SLC16A7: variants seen among roughly 807,000 people sequenced by gnomAD.
SLC16A7 encodes monocarboxylate transporter 2.
A neutral mutation model predicts 34.9 loss-of-function variants in SLC16A7; 33 were observed. The observed-to-expected ratio is 0.94, with a 90% CI of 0.72 to 1.26. The LOEUF is 1.26. SLC16A7 is among the 50% of genes most tolerant of loss of function. The pLI is 0.00. For missense variants in SLC16A7, 573 were observed against 578.1 expected, an observed-to-expected ratio of 0.99 and a Z score of 0.09; for synonymous variants, 201 against 206.6, an observed-to-expected ratio of 0.97 and a Z score of 0.23.
rs1014511697 is a variant in SLC16A7, at chr12:59,740,363, G to A, written c.218-30856G>A. Among the ~76,000 whole-genome samples the A allele has an allele frequency of 5.7e-3, 871 of 151,828 alleles. 9 individuals are homozygous for A. Among genetic ancestry groups the A allele is most frequent in the African/African-American group, 0.02 (811 of 41,318 alleles). On this transcript the variant is annotated intron_variant, in intron 3 of 5. Transcript: ENST00000547379. ...CAAGATCAGATAGTTGTAGATATGC[G>A]GCGTTATTTCTGAGGGCTCTGTTCT...
chr12:59,763,649 G>A (rs1056859770), intron 3 of SLC16A7, among the ~76,000 whole-genome samples: 3 of 151,980 alleles, frequency 2.0e-5, no homozygotes, highest in African/African-American at 7.2e-5. Flanking sequence ...TCACTTTATT[G>A]CACTTTGCAA....
chr12:59,685,649 G>A (rs1489228284), intron 2 of SLC16A7, among the ~76,000 whole-genome samples: 1 of 152,000 alleles, frequency 6.6e-6, no homozygotes, highest in East Asian at 1.9e-4. Flanking sequence ...TGCTTTAAGA[G>A]TATATGAACT....
At chr12:59,775,942 A>G (rs17122992) in intron 5 of SLC16A7, among the ~76,000 whole-genome samples, 11,589 of 152,250 alleles carry the variant, frequency 0.076, 536 homozygotes, top group South Asian at 0.17. Context: ...GAGAAAATAC[A>G]TTTATAATAT....
intron 3 of SLC16A7, among the ~76,000 whole-genome samples, chr12:59,717,852 G>T (rs1875101736): frequency 6.6e-6 from 1 of 152,170 alleles, no homozygotes; most frequent in Non-Finnish European, 1.5e-5. Flanking sequence ...AAATGAAACA[G>T]CAGTGAATGT....
chr12:59,768,247 C>A (rs974794427), intron 3 of SLC16A7: 16 of 453,508 alleles, frequency 3.5e-5, no homozygotes, highest in Non-Finnish European at 6.2e-5. Context: ...GGTCAAAATA[C>A]CAACATTAAC....
intron 3 of SLC16A7, among the ~76,000 whole-genome samples, chr12:59,715,935 T>G (rs1295561425): frequency 6.6e-6 from 1 of 152,166 alleles, no homozygotes; most frequent in Non-Finnish European, 1.5e-5. Flanking sequence ...TACATTAGCG[T>G]TTTTGTAGGT....
At chr12:59,642,615 G>T (rs145672851) in intron 1 of SLC16A7, among the ~76,000 whole-genome samples, 1 of 152,182 alleles carries the variant, frequency 6.6e-6, no homozygotes, top group Admixed American at 6.5e-5. Context: ...AGAAGATAGA[G>T]CCTCAAGGAA....
chr12:59,636,216 A>G (rs1880419107), intron 1 of SLC16A7, among the ~76,000 whole-genome samples: 1 of 152,048 alleles, frequency 6.6e-6, no homozygotes, highest in African/African-American at 2.4e-5. Flanking sequence ...TTAAATAAGA[A>G]CACTTTCTGT....
rs140248152 is a variant in SLC16A7, at chr12:59,710,134, T to C, written c.217+5116T>C. Reference sequence around the variant, plus strand: ...CATGAAATGTACAAGTGCTACTCTATCAGATCTCTGTTAGAGAAGAGGTAT... The same window carrying C: ...CATGAAATGTACAAGTGCTACTCTACCAGATCTCTGTTAGAGAAGAGGTAT... On this transcript the variant is annotated intron_variant, in intron 3 of 5. Coordinates refer to ENST00000547379, the MANE Select transcript of SLC16A7 (RefSeq NM_001270623.2). Among the ~76,000 whole-genome samples, 222 of 151,132 alleles carry C rather than the reference T, an allele frequency of 1.5e-3. 10 individuals carry two copies. Among genetic ancestry groups the C allele is most frequent in the Middle Eastern group, 6.8e-3 (2 of 294 alleles).
At chr12:59,675,052 G>A (rs1315483914) in intron 2 of SLC16A7, among the ~76,000 whole-genome samples, 3 of 152,164 alleles carry the variant, frequency 2.0e-5, no homozygotes, top group African/African-American at 7.2e-5. Context: ...GATAGAACAA[G>A]GCCGTATGCC....
chr12:59,693,494 T>C (rs1260560417), intron 2 of SLC16A7, among the ~76,000 whole-genome samples: 1 of 151,914 alleles, frequency 6.6e-6, no homozygotes, highest in Non-Finnish European at 1.5e-5. Flanking sequence ...GTATTGATTC[T>C]AAAAGAAAAG....
chr12:59,670,009 A>G (rs1024461751), intron 2 of SLC16A7, among the ~76,000 whole-genome samples: 1 of 152,192 alleles, frequency 6.6e-6, no homozygotes, highest in African/African-American at 2.4e-5. Context: ...ATTGAAAACA[A>G]CAGAAATTTA....
chr12:59,784,231 T>C lies in SLC16A7; in HGVS notation c.*4552T>C, dbSNP rs2137504803. 1 of 152,176 alleles carries C rather than the reference T, an allele frequency of 6.6e-6. No homozygotes were observed. The highest frequency in any genetic ancestry group is 6.5e-5 in the Admixed American group (1 of 15,276). The allele number at this position is 152,176 out of a possible 1,614,324, so 9.4% of individuals were successfully genotyped here. A position where few individuals can be genotyped will look rare whatever the true frequency, so the allele number is the denominator to read the frequency against. On this transcript the variant is annotated 3_prime_UTR_variant, in exon 6 of 6. Transcript: ENST00000547379. ...TCAAAAAGTAAAATAATTACCTGGA[T>C]GTGGTGATGTGCACCTGTAGTCCCA...
At chr12:59,685,775 C>T (rs1871105830) in intron 2 of SLC16A7, among the ~76,000 whole-genome samples, 1 of 151,968 alleles carries the variant, frequency 6.6e-6, no homozygotes, top group African/African-American at 2.4e-5. Flanking sequence ...TGAAAAAAAT[C>T]TTCATGTGAT....
Position 59,784,181 on chromosome 12 carries a change from C to T in SLC16A7, c.*4502C>T, listed in dbSNP as rs1237595540. Reference sequence around the variant, plus strand: ...TTATCTTTTATGAATAAATAATTCCCAGATTGGTTGCTACATATCATGATT... The same window carrying T: ...TTATCTTTTATGAATAAATAATTCCTAGATTGGTTGCTACATATCATGATT... On this transcript the variant is annotated 3_prime_UTR_variant, in exon 6 of 6. Coordinates refer to ENST00000547379, the MANE Select transcript of SLC16A7 (RefSeq NM_001270623.2). 6.6e-6 allele frequency: 1 copy of T among 151,790 alleles called. No individual in the cohort carries two copies. Among genetic ancestry groups the T allele is most frequent in the African/African-American group, 2.4e-5 (1 of 41,318 alleles). 9.4% of individuals were successfully genotyped at this position (151,790 alleles called of 1,614,324 possible). A position where few individuals can be genotyped will look rare whatever the true frequency, so the allele number is the denominator to read the frequency against.
At chr12:59,616,760 T>C (rs1469894748) in intron 1 of SLC16A7, among the ~76,000 whole-genome samples, 1 of 152,078 alleles carries the variant, frequency 6.6e-6, no homozygotes, top group Non-Finnish European at 1.5e-5. Flanking sequence ...ATTTCCAGAG[T>C]GAGCCTATTA....
At position 59,704,827 on chromosome 12, in the gene SLC16A7, C is replaced by A; in HGVS notation, c.26C>A (p.Pro9His). The change falls in exon 3 of 6, where the codon CCT becomes CAT. Residue 9 changes from proline (P) to histidine (H), a missense_variant. Pro to His is a moderately conservative substitution (Grantham distance 77, BLOSUM62 -2). Transcript: ENST00000547379. MPPMPSAPPVHPPPDGGWG... is the reference protein window; with the variant it reads MPPMPSAPHVHPPPDGGWG... ...ATGCCACCAATGCCAAGTGCCCCACCTGTGCATCCACCTCCAGATGGAGGA... is the reference window on the plus strand; with the variant it reads ...ATGCCACCAATGCCAAGTGCCCCACATGTGCATCCACCTCCAGATGGAGGA... 1 of 1,613,694 alleles carries A rather than the reference C, an allele frequency of 6.2e-7. No homozygotes were observed. The highest frequency in any genetic ancestry group is 8.5e-7 in the Non-Finnish European group (1 of 1,179,744).
intron 2 of SLC16A7, among the ~76,000 whole-genome samples, chr12:59,674,119 C>A (rs958301269): frequency 7.2e-5 from 11 of 152,238 alleles, no homozygotes; most frequent in Admixed American, 2.6e-4. Context: ...TAACATTTCT[C>A]TTTTGCATTA....
At chr12:59,617,020 G>C (rs1279564209) in intron 1 of SLC16A7, among the ~76,000 whole-genome samples, 1 of 151,960 alleles carries the variant, frequency 6.6e-6, no homozygotes, top group Non-Finnish European at 1.5e-5. Context: ...ACATAATCTA[G>C]ATTTTTCCAG....
Sources: gnomAD v4.1 joint callset for allele counts (sites outside exome capture counted in the v4.1 genomes callset) on GRCh38, gnomAD v4.1.1 for gene constraint, MANE v1.5 for transcripts, NCBI Gene and HGNC (gene_info 2026-07-23, HGNC 2026-07-21) for gene names.